ANK2: variants seen among roughly 807,000 people sequenced by gnomAD.
ANK2 encodes the protein ankyrin 2.
Under a neutral mutation model 360.5 loss-of-function variants are expected in ANK2, and 83 were observed. The observed-to-expected ratio is 0.23, with a 90% CI of 0.19 to 0.28. The LOEUF (loss-of-function observed/expected upper bound fraction) is 0.28. ANK2 is among the 10% of genes least tolerant of loss of function. The pLI is 1.00. For synonymous variants in ANK2, 1,740 were observed against 1,759.5 expected, an observed-to-expected ratio of 0.99 and a Z score of 0.28; for missense variants, 4,201 against 4,795.7, an observed-to-expected ratio of 0.88 and a Z score of 3.66.
chr4:113,133,157 G>C (rs765878470), intron 1 of ANK2, among the ~76,000 whole-genome samples: 1 of 152,176 alleles, frequency 6.6e-6, no homozygotes, highest in Non-Finnish European at 1.5e-5. Context: ...TGGTAAGATA[G>C]GAGAGCAGGA....
At chr4:112,903,450 C>T (rs1474566523) in intron 1 of ANK2, among the ~76,000 whole-genome samples, 5 of 152,150 alleles carry the variant, frequency 3.3e-5, no homozygotes, top group Admixed American at 6.6e-5. Context: ...ATTTCTAACA[C>T]TTAGTATTTG....
At chr4:113,277,495 A>G (rs557992020) in intron 15 of ANK2, among the ~76,000 whole-genome samples, 2 of 133,480 alleles carry the variant, frequency 1.5e-5, no homozygotes, top group African/African-American at 2.8e-5. Flanking sequence ...TTTCAATTCT[A>G]TTAATTTTAG....
chr4:113,183,197 C>G (rs1006503501), intron 2 of ANK2, among the ~76,000 whole-genome samples: 29 of 151,736 alleles, frequency 1.9e-4, no homozygotes, highest in African/African-American at 7.0e-4. Context: ...TCTAGGTTAT[C>G]AGCTGAGAGT....
chr4:113,152,589 G>C (rs1304323687), intron 1 of ANK2, among the ~76,000 whole-genome samples: 1 of 152,138 alleles, frequency 6.6e-6, no homozygotes, highest in Non-Finnish European at 1.5e-5. Flanking sequence ...GTGGGCTTAT[G>C]TGACTATAGT....
intron 2 of ANK2, among the ~76,000 whole-genome samples, chr4:112,923,218 C>G (rs2091931144): frequency 6.6e-6 from 1 of 152,070 alleles, no homozygotes. Flanking sequence ...CATTTATATT[C>G]CAATACTTTA....
chr4:112,976,800 C>T lies in ANK2; in HGVS notation c.21+72286C>T, dbSNP rs555418357. 1.9e-3 allele frequency among the ~76,000 whole-genome samples: 284 copies of T among 152,214 alleles called. 1 individual carries two copies. Among genetic ancestry groups the T allele is most frequent in the African/African-American group, 6.6e-3 (275 of 41,530 alleles). On this transcript the variant is annotated intron_variant, in intron 2 of 30. Transcript: ENST00000503271. Reference sequence around the variant, plus strand: ...GTGACCCTGCTCTACTTTGAATCTACCTTTACAATTAAGTCTGCCCTTAGA... The same window carrying T: ...GTGACCCTGCTCTACTTTGAATCTATCTTTACAATTAAGTCTGCCCTTAGA...
chr4:112,838,350 G>A (rs1031922939), intron 1 of ANK2, among the ~76,000 whole-genome samples: 1 of 152,168 alleles, frequency 6.6e-6, no homozygotes, highest in Non-Finnish European at 1.5e-5. Context: ...TCCAGCCTCG[G>A]GTAGTATCTT....
chr4:113,297,524 CGTAA>C (rs987138876), intron 22 of ANK2, among the ~76,000 whole-genome samples: 2 of 151,980 alleles, frequency 1.3e-5, no homozygotes, highest in South Asian at 2.1e-4. Context: ...ACTTGTACCC[CGTAA>C]GTATGTACAA....
At chr4:113,197,177 T>C (rs2098759813) in intron 3 of ANK2, among the ~76,000 whole-genome samples, 1 of 152,194 alleles carries the variant, frequency 6.6e-6, no homozygotes, top group Non-Finnish European at 1.5e-5. Flanking sequence ...GCAGAATCGT[T>C]TATACTCTAA....
intron 2 of ANK2, among the ~76,000 whole-genome samples, chr4:112,914,862 T>G (rs2089185144): frequency 1.3e-5 from 2 of 152,136 alleles, no homozygotes; most frequent in Non-Finnish European, 2.9e-5. Flanking sequence ...AGCATAATGT[T>G]TGTCTGTTGG....
intron 2 of ANK2, among the ~76,000 whole-genome samples, chr4:113,041,936 G>A (rs771301999): frequency 1.3e-5 from 2 of 152,064 alleles, no homozygotes; most frequent in Admixed American, 6.6e-5. Flanking sequence ...AGCAGTCCAC[G>A]CTTATGACCT....
At chr4:112,770,181 C>A in the ANK2 span, among the ~76,000 whole-genome samples, 1 of 152,178 alleles carries the variant, frequency 6.6e-6, no homozygotes, top group Non-Finnish European at 1.5e-5. Context: ...CATCGAATCA[C>A]AATAAAACTG....
At chr4:113,017,553 C>G (rs1256770479) in intron 2 of ANK2, among the ~76,000 whole-genome samples, 1 of 152,188 alleles carries the variant, frequency 6.6e-6, no homozygotes, top group African/African-American at 2.4e-5. Context: ...AGTCAACTGA[C>G]TCTCCCTTTG....
chr4:112,750,165 C>T, the ANK2 span, among the ~76,000 whole-genome samples: 1 of 152,064 alleles, frequency 6.6e-6, no homozygotes, highest in Non-Finnish European at 1.5e-5. Context: ...GGTGCAGTGG[C>T]TCACAACCGT....
Position 113,359,227 on chromosome 4 carries a change from C to T in ANK2, c.10609C>T (p.Pro3537Ser). 2 of 1,613,748 alleles carry T rather than the reference C, an allele frequency of 1.2e-6. No individual in the cohort carries two copies. Among genetic ancestry groups the T allele is most frequent in the Non-Finnish European group, 1.7e-6 (2 of 1,179,780 alleles). The change falls in exon 38 of 46, where the codon CCC becomes TCC. Residue 3537 changes from proline (P) to serine (S), a missense_variant. Pro to Ser is a moderately conservative substitution (Grantham distance 74). This residue lies in a region of ANK2 where 2,642 missense variants were observed against 2,714.5 expected (regional missense o/e 0.97). Transcript: ENST00000357077. ...SVPEDIFDTRPIWDESIETLI... is the reference protein window; with the variant it reads ...SVPEDIFDTRSIWDESIETLI... ...TCCTGAGGACATCTTTGACACAAGG[C>T]CCATTTGGGATGAGTCTATTGAGAC...
intron 2 of ANK2, among the ~76,000 whole-genome samples, chr4:113,012,840 G>T (rs1482146562): frequency 6.6e-6 from 1 of 152,070 alleles, no homozygotes; most frequent in East Asian, 1.9e-4. Flanking sequence ...ACCTGGGTGC[G>T]TCGTTCATGA....
chr4:113,373,398 T>C lies in ANK2; in HGVS notation c.11808T>C (p.Tyr3936=), dbSNP rs1243998592. 3.1e-6 allele frequency: 5 copies of C among 1,614,046 alleles called. No individual in the cohort carries two copies. The highest frequency in any genetic ancestry group is 4.2e-6 in the Non-Finnish European group (5 of 1,180,038). ...EPVNIEEGDG[Y]SKVIKRVVLK... is the part of the protein sequence containing the mutation. ...TCAACATCGAGGAAGGGGATGGCTATTCCAAAGTTATAAAGCGTGTTGTAT... is the reference window on the plus strand; with the variant it reads ...TCAACATCGAGGAAGGGGATGGCTACTCCAAAGTTATAAAGCGTGTTGTAT... The change falls in exon 45 of 46, where the codon TAT becomes TAC. Residue 3936 remains tyrosine (Y), a synonymous_variant. Coordinates refer to ENST00000357077, the MANE Select transcript of ANK2 (RefSeq NM_001148.6).
intron 1 of ANK2, among the ~76,000 whole-genome samples, chr4:113,162,781 G>C (rs1474706148): frequency 6.7e-6 from 1 of 150,024 alleles, no homozygotes; most frequent in Non-Finnish European, 1.5e-5. Flanking sequence ...ATCTTTGAGG[G>C]GATGAATCAT....
At chr4:113,134,036 T>C (rs1478847383) in intron 1 of ANK2, among the ~76,000 whole-genome samples, 3 of 152,024 alleles carry the variant, frequency 2.0e-5, no homozygotes, top group Non-Finnish European at 4.4e-5. Context: ...ATAATAAGAT[T>C]ACAGGAAGAA....
Sources: gnomAD v4.1 joint callset for allele counts (sites outside exome capture counted in the v4.1 genomes callset) on GRCh38, gnomAD v4.1.1 for gene constraint, gnomAD v4.1.1 regional missense constraint, MANE v1.5 for transcripts, NCBI Gene and HGNC (gene_info 2026-07-23, HGNC 2026-07-21) for gene names.